PHF23: variants seen among roughly 807,000 people sequenced by gnomAD.
PHF23 encodes PHD finger protein 23.
A neutral mutation model predicts 36.0 loss-of-function variants in PHF23; 3 were observed. The ratio of observed to expected loss-of-function variants is 0.08; its 90% CI spans 0.04 to 0.22. The LOEUF (loss-of-function observed/expected upper bound fraction) is 0.22, where lower values mean the gene tolerates loss of function less well. PHF23 is among the 10% of genes least tolerant of loss of function. The probability of loss-of-function intolerance (pLI) is 1.00; values close to 1 mark genes in which losing one functional copy is unlikely to be tolerated. For missense variants in PHF23, 475 were observed against 513.6 expected (o/e 0.92, Z 0.73); for synonymous variants, 242 against 192.5 (o/e 1.26, Z -2.13).
chr17:7,237,752 G>T, intron 1 of PHF23, 92 bp from the exon 2 acceptor site: 2 of 1,435,454 alleles, frequency 1.4e-6, no homozygotes, highest in Non-Finnish European at 2.0e-6. Context: ...TGAACCCCCT[G>T]CTCTCCCAGG....
intron 2 of PHF23, 73 bp from the exon 3 acceptor site, chr17:7,237,550 CTAAG>C: frequency 3.1e-6 from 5 of 1,606,620 alleles, no homozygotes; most frequent in Non-Finnish European, 4.3e-6. Flanking sequence ...AACACAGTCC[CTAAG>C]TGAGGTCTAG....
In PHF23 at chr17:7,237,650, C is replaced by T; in HGVS notation, c.45G>A (p.Pro15=). The change falls in exon 2 of 5, where the codon CCG becomes CCA. Residue 15 remains proline (P), a synonymous_variant. Transcript: ENST00000320316. ...TCACCTGAGTCTCTGGCTTAAGGGT[C>T]GGAGGTGGATCTGGAAAAGCAATAA... ...MAEPSPEDPP[P]TLKPETQPPE... The T allele has an allele frequency of 6.2e-7, 1 of 1,613,850 alleles. No homozygotes were observed. The highest frequency in any genetic ancestry group is 1.1e-5 in the South Asian group (1 of 91,084).
At position 7,235,386 on chromosome 17, in the gene PHF23, T is replaced by G; in HGVS notation, c.*240A>C. 1.2e-4 allele frequency: 64 copies of G among 540,382 alleles called. No individual in the cohort carries two copies. Among genetic ancestry groups the G allele is most frequent in the Admixed American group, 2.5e-4 (8 of 31,878 alleles). The allele number at this position is 540,382 out of a possible 1,614,324, so 33.5% of individuals were successfully genotyped here. ...TGGCAGGTCCAAGAGACAGAGATTA[T>G]GTGTCGGGACACAGACAGCCTCCCA... is the stretch of plus-strand genomic sequence containing the variant. On this transcript the variant is annotated 3_prime_UTR_variant, in exon 5 of 5. Coordinates refer to ENST00000320316, the MANE Select transcript of PHF23 (RefSeq NM_024297.3).
chr17:7,238,681 C>T (rs2071732474), intron 1 of PHF23: 23 of 1,107,644 alleles, frequency 2.1e-5, no homozygotes, highest in Non-Finnish European at 2.5e-5. Flanking sequence ...CTACCCAGCT[C>T]GCCTCGCTTC....
At position 7,236,039 on chromosome 17, in the gene PHF23, A is replaced by G. The variant is rs565797990; in HGVS notation, c.888T>C (p.Ala296=). Residue 296 remains alanine, a synonymous_variant, in exon 4 of 5, where the codon GCT becomes GCC. Transcript: ENST00000320316. The surrounding 1 kb of genome is among the most constrained non-coding windows in gnomAD (Gnocchi z 5.1). ...TGCCCACCTCCTTGCTTTCACTGTCAGCAGGAGGGACTCCTTCAGGGTGCA... is the reference window on the plus strand; with the variant it reads ...TGCCCACCTCCTTGCTTTCACTGTCGGCAGGAGGGACTCCTTCAGGGTGCA... The part of the protein sequence containing the change: ...ATVHPEGVPP[A]DSESKEVGST... 2 of 1,614,014 alleles carry G rather than the reference A, an allele frequency of 1.2e-6. No homozygotes were observed. Among genetic ancestry groups the G allele is most frequent in the South Asian group, 2.2e-5 (2 of 91,078 alleles).
At chr17:7,237,941 G>A (rs2071708162) in intron 1 of PHF23, 5 of 441,358 alleles carry the variant, frequency 1.1e-5, no homozygotes, top group South Asian at 4.7e-5. Context: ...CTCGACTCCA[G>A]TCTACTCGGA....
chr17:7,238,428 C>A (rs1434630037), intron 1 of PHF23: 3 of 161,248 alleles, frequency 1.9e-5, no homozygotes, highest in Non-Finnish European at 2.9e-5. Flanking sequence ...CTCCGGCCGC[C>A]GCCCCCCCCT....
At position 7,235,375 on chromosome 17, in the gene PHF23, G is replaced by C. The variant is rs375367737; in HGVS notation, c.*251C>G. On this transcript the variant is annotated 3_prime_UTR_variant, in exon 5 of 5. Coordinates refer to ENST00000320316, the MANE Select transcript of PHF23 (RefSeq NM_024297.3). The stretch of plus-strand genomic sequence containing the variant: ...GAAAGTGATGGTGGCAGGTCCAAGA[G>C]ACAGAGATTATGTGTCGGGACACAG... 3.6e-5 allele frequency: 19 copies of C among 526,498 alleles called. No individual in the cohort carries two copies. Among genetic ancestry groups the C allele is most frequent in the Middle Eastern group, 5.2e-4 (1 of 1,912 alleles). The allele number at this position is 526,498 out of a possible 1,614,324, so 32.6% of individuals were successfully genotyped here.
chr17:7,237,575 C>A, intron 2 of PHF23, 54 bp downstream of exon 2: 1 of 1,605,868 alleles, frequency 6.2e-7, no homozygotes, highest in African/African-American at 1.3e-5. Context: ...AAAAGGGGGG[C>A]GGGGGGCGTT....
chr17:7,239,150 C>G lies in PHF23; in HGVS notation c.34+96G>C. The G allele has an allele frequency of 4.7e-6, 5 of 1,056,622 alleles. No individual in the cohort carries two copies. The South Asian group carries it at 7.2e-5, about 15-fold the overall frequency. 65.5% of individuals were successfully genotyped at this position (1,056,622 alleles called of 1,614,324 possible). A position where few individuals can be genotyped will look rare whatever the true frequency, so the allele number is the denominator to read the frequency against. The stretch of plus-strand genomic sequence containing the variant: ...AGCCTCCCGACCCCCTCCCCGAACT[C>G]CCCCGCTGGGCTCCGGGGCTCGACC... On this transcript the variant is annotated intron_variant, in intron 1 of 4. Coordinates refer to ENST00000320316, the MANE Select transcript of PHF23 (RefSeq NM_024297.3).
At position 7,235,235 on chromosome 17, in the gene PHF23, A is replaced by ATCTCGGTGG; in HGVS notation, c.*390_*391insCCACCGAGA. The ATCTCGGTGG allele has an allele frequency of 3.9e-6, 1 of 257,546 alleles. No homozygotes were observed. The highest frequency in any genetic ancestry group is 4.7e-5 in the South Asian group (1 of 21,392). The allele number at this position is 257,546 out of a possible 1,614,324, so 16.0% of individuals were successfully genotyped here. Reference sequence around the variant, plus strand: ...AAAATTAAAAATACAACCGGTGTAGAAGAAAATAAATGGGGAGTGAAATAG... The same window carrying ATCTCGGTGG: ...AAAATTAAAAATACAACCGGTGTAGATCTCGGTGGAGAAAATAAATGGGGAGTGAAATAG... On this transcript the variant is annotated 3_prime_UTR_variant, in exon 5 of 5. Transcript: ENST00000320316.
chr17:7,238,962 C>T lies in PHF23; in HGVS notation c.34+284G>A. On this transcript the variant is annotated intron_variant, in intron 1 of 4. Coordinates refer to ENST00000320316, the MANE Select transcript of PHF23 (RefSeq NM_024297.3). ...CCCTAACCTTCCAGTTCCAGGGCCC[C>T]AATCTGCCGGTGGCCCTTTCGGGCC... 2.7e-6 allele frequency: 4 copies of T among 1,486,858 alleles called. No individual in the cohort carries two copies. In the South Asian group the frequency reaches 5.2e-5, roughly 19 times the overall value. 92.1% of individuals were successfully genotyped at this position (1,486,858 alleles called of 1,614,324 possible).
At chr17:7,237,023 C>T (rs1184557501) in intron 3 of PHF23, among the ~76,000 whole-genome samples, 1 of 152,218 alleles carries the variant, frequency 6.6e-6, no homozygotes, top group East Asian at 1.9e-4. Flanking sequence ...CACTGTATCA[C>T]CCAGACCGGA....
intron 1 of PHF23, chr17:7,238,459 C>T (rs2142997002): frequency 1.8e-6 from 1 of 563,800 alleles, no homozygotes. Context: ...ACTCACCACC[C>T]AGTTACTAGG....
rs967045053 is a variant in PHF23, at chr17:7,236,952, C to A, written c.160-185G>T. ...CATCAGCATGTCCTCTTGACCAGTCCGTGTTACCTCTACCCTCAAGTCTGA... is the reference window on the plus strand; with the variant it reads ...CATCAGCATGTCCTCTTGACCAGTCAGTGTTACCTCTACCCTCAAGTCTGA... On this transcript the variant is annotated intron_variant, in intron 3 of 4. Transcript: ENST00000320316. This position sits in a 1 kb window ranked among gnomAD's most constrained non-coding sequence, Gnocchi z 5.1. Among the ~76,000 whole-genome samples, 1 of 152,176 alleles carries A rather than the reference C, an allele frequency of 6.6e-6. No individual in the cohort carries two copies. Among genetic ancestry groups the A allele is most frequent in the African/African-American group, 2.4e-5 (1 of 41,436 alleles).
chr17:7,235,392 G>A lies in PHF23; in HGVS notation c.*234C>T, dbSNP rs1597559722. 3 of 546,762 alleles carry A rather than the reference G, an allele frequency of 5.5e-6. No individual in the cohort carries two copies. The highest frequency in any genetic ancestry group is 9.9e-6 in the Non-Finnish European group (3 of 304,478). The allele number at this position is 546,762 out of a possible 1,614,324, so 33.9% of individuals were successfully genotyped here. A position where few individuals can be genotyped will look rare whatever the true frequency, so the allele number is the denominator to read the frequency against. ...GTCCAAGAGACAGAGATTATGTGTC[G>A]GGACACAGACAGCCTCCCATCCCCA... On this transcript the variant is annotated 3_prime_UTR_variant, in exon 5 of 5. Coordinates refer to ENST00000320316, the MANE Select transcript of PHF23 (RefSeq NM_024297.3).
rs2071744536 is a variant in PHF23 at position 7,239,235 on chromosome 17, C to T, written c.34+11G>A. 2 of 1,533,620 alleles carry T rather than the reference C, an allele frequency of 1.3e-6. No individual in the cohort carries two copies. Among genetic ancestry groups the T allele is most frequent in the South Asian group, 1.2e-5 (1 of 85,858 alleles). ...CGCCGGCTCAGCGCTCTGCACCGGT[C>T]GAGAGCTCACCTTCGGGACTGGGCT... On this transcript the variant is annotated intron_variant, in intron 1 of 4. Transcript: ENST00000320316.
chr17:7,237,781 A>C, intron 1 of PHF23, 121 bp from the exon 2 acceptor site: 1 of 1,189,714 alleles, frequency 8.4e-7, no homozygotes, highest in Non-Finnish European at 1.2e-6. Flanking sequence ...CCAGGCCAGC[A>C]GGCCCCCAGC....
chr17:7,236,936 G>A lies in PHF23; in HGVS notation c.160-169C>T, dbSNP rs1251038762. 6.6e-6 allele frequency among the ~76,000 whole-genome samples: 1 copy of A among 152,164 alleles called. No individual in the cohort carries two copies. Among genetic ancestry groups the A allele is most frequent in the Non-Finnish European group, 1.5e-5 (1 of 68,006 alleles). On this transcript the variant is annotated intron_variant, in intron 3 of 4. Transcript: ENST00000320316. The surrounding 1 kb of genome is among the most constrained non-coding windows in gnomAD (Gnocchi z 5.1). ...TCCCCACCCCAATTCCCATCAGCAT[G>A]TCCTCTTGACCAGTCCGTGTTACCT...
Sources: allele counts gnomAD v4.1 joint callset (sites outside exome capture counted in the v4.1 genomes callset), GRCh38; gene constraint gnomAD v4.1.1; non-coding constraint Gnocchi (gnomAD v3.1); transcripts MANE v1.5; gene names NCBI Gene and HGNC (gene_info 2026-07-23, HGNC 2026-07-21).